MYO9A: variants seen among roughly 807,000 people sequenced by gnomAD.
MYO9A encodes the protein unconventional myosin-IXa.
A neutral mutation model predicts 293.3 loss-of-function variants in MYO9A; 103 were observed. The observed-to-expected ratio is 0.35, with a 90% CI of 0.30 to 0.41. The LOEUF (loss-of-function observed/expected upper bound fraction) is 0.41, where lower values mean the gene tolerates loss of function less well. Ranked by LOEUF, MYO9A falls within the 10% of genes least tolerant of loss-of-function variation. The probability of loss-of-function intolerance (pLI) is 1.00; values close to 1 mark genes in which losing one functional copy is unlikely to be tolerated. For missense variants in MYO9A, 2,685 were observed against 3,033.0 expected, an observed-to-expected ratio of 0.89 and a Z score of 2.69; for synonymous variants, 1,001 against 1,035.7, an observed-to-expected ratio of 0.97 and a Z score of 0.64.
chr15:71,999,131 A>T (rs1168801838), intron 9 of MYO9A: 4 of 152,186 alleles, frequency 2.6e-5, no homozygotes, highest in African/African-American at 9.7e-5. Context: ...CTAGAATTCA[A>T]TCACAATTTC....
At chr15:71,975,390 C>CGT (rs57800508) in intron 12 of MYO9A, among the ~76,000 whole-genome samples, 3,837 of 86,664 alleles carry the variant, frequency 0.044, 756 homozygotes, top group East Asian at 0.27. Flanking sequence ...GTGATTTTAT[C>CGT]GTGTGTGTGT....
intron 27 of MYO9A, among the ~76,000 whole-genome samples, chr15:71,885,373 T>C (rs550987987): frequency 4.6e-5 from 7 of 152,312 alleles, no homozygotes; most frequent in Non-Finnish European, 1.0e-4. Context: ...AGAGGATTTT[T>C]AAAATTTGCT....
intron 25 of MYO9A, among the ~76,000 whole-genome samples, chr15:71,894,648 G>T (rs988733664): frequency 2.0e-5 from 3 of 152,154 alleles, no homozygotes; most frequent in Admixed American, 2.0e-4. Context: ...GGCAGGGTAA[G>T]AAATTGTTAT....
At chr15:71,935,534 T>C (rs748790965) in intron 16 of MYO9A, 50 bp from the exon 17 acceptor site, 4 of 1,505,456 alleles carry the variant, frequency 2.7e-6, no homozygotes, top group Admixed American at 3.9e-5. Context: ...TCTAACACTA[T>C]ACTGCTTAAA....
In MYO9A at chr15:71,876,292, C is replaced by G. The variant is rs9888653; in HGVS notation, c.5932-454G>C. 5.6e-3 allele frequency among the ~76,000 whole-genome samples: 857 copies of G among 151,742 alleles called. 12 individuals carry two copies. The highest frequency in any genetic ancestry group is 0.02 in the African/African-American group (811 of 41,384). ...CCTCCTGAGTAGCTGGTATTATAGG[C>G]ACACACCACCACATCTGGCTATTTT... On this transcript the variant is annotated intron_variant, in intron 31 of 41. Transcript: ENST00000356056.
chr15:71,826,398 A>G lies in MYO9A; in HGVS notation c.*182T>C. The G allele has an allele frequency of 1.7e-6, 1 of 597,482 alleles. No individual in the cohort carries two copies. Among genetic ancestry groups the G allele is most frequent in the Non-Finnish European group, 2.8e-6 (1 of 358,242 alleles). The allele number at this position is 597,482 out of a possible 1,614,324, so 37.0% of individuals were successfully genotyped here. On this transcript the variant is annotated 3_prime_UTR_variant, in exon 42 of 42. Transcript: ENST00000356056. ...CCAAGGCACAGCTGGCACCATCCCC[A>G]GCAGGCTTTCTGCTTCTGCAGGAGG...
intron 37 of MYO9A, among the ~76,000 whole-genome samples, chr15:71,851,019 T>G (rs888723593): frequency 6.6e-6 from 1 of 152,128 alleles, no homozygotes; most frequent in Non-Finnish European, 1.5e-5. Flanking sequence ...ACTGCCACCA[T>G]GAGGCTGAAG....
At position 72,035,176 on chromosome 15, in the gene MYO9A, T is replaced by C. The variant is rs79377745; in HGVS notation, c.841-2588A>G. Among the ~76,000 whole-genome samples, 38 of 152,260 alleles carry C rather than the reference T, an allele frequency of 2.5e-4. No homozygotes were observed. The East Asian group carries it at 7.1e-3, about 29-fold the overall frequency. ...ATACAGTGCTGGTGGAAATGCAAAA[T>C]GGTAGAACAACTCTGGAAGACAATC... On this transcript the variant is annotated intron_variant, in intron 2 of 41. Coordinates refer to ENST00000356056, the MANE Select transcript of MYO9A (RefSeq NM_006901.4).
At chr15:72,030,074 A>G (rs1402768273) in intron 3 of MYO9A, among the ~76,000 whole-genome samples, 1 of 152,234 alleles carries the variant, frequency 6.6e-6, no homozygotes, top group Admixed American at 6.5e-5. Context: ...CTTCATTAAA[A>G]TAAAGCTCAA....
At chr15:71,907,602 C>T (rs1436227112) in intron 19 of MYO9A, among the ~76,000 whole-genome samples, 121 of 130,178 alleles carry the variant, frequency 9.3e-4, no homozygotes, top group Admixed American at 1.6e-3. Flanking sequence ...CTCTCCAGCA[C>T]CTGTTGTTTC....
chr15:71,880,595 T>C, intron 28 of MYO9A, 37 bp from the exon 29 acceptor site: 1 of 1,521,978 alleles, frequency 6.6e-7, no homozygotes, highest in Non-Finnish European at 9.0e-7. Context: ...AGGACACATT[T>C]AGTAAATATA....
chr15:71,961,788 T>C (rs979679203), intron 13 of MYO9A, among the ~76,000 whole-genome samples: 2 of 152,158 alleles, frequency 1.3e-5, no homozygotes, highest in Admixed American at 1.3e-4. Context: ...GGCACCATCA[T>C]AGCTCACTGC....
At chr15:71,893,324 T>A in intron 26 of MYO9A, 2 of 512,586 alleles carry the variant, frequency 3.9e-6, no homozygotes, top group Non-Finnish European at 6.2e-6. Context: ...CTAGCAGAAG[T>A]GACAGGGATG....
intron 2 of MYO9A, among the ~76,000 whole-genome samples, chr15:72,043,079 CAA>C (rs71438543): frequency 6.9e-6 from 1 of 143,930 alleles, no homozygotes; most frequent in African/African-American, 2.6e-5. Context: ...AAAAAACAAA[CAA>C]AAAAAAAAGG....
Position 71,854,558 on chromosome 15 carries a change from C to G in MYO9A, c.6165G>C (p.Glu2055Asp). 1 of 1,593,176 alleles carries G rather than the reference C, an allele frequency of 6.3e-7. No individual in the cohort carries two copies. The highest frequency in any genetic ancestry group is 8.5e-7 in the Non-Finnish European group (1 of 1,172,704). ...TAKCSKKYDPELSSRQFGVEL... is the reference protein window; with the variant it reads ...TAKCSKKYDPDLSSRQFGVEL... Reference sequence around the variant, plus strand: ...CAACCCCAAATTGTCGAGATGACAGCTCTGGATCATACTAAATGAAAGATA... The same window carrying G: ...CAACCCCAAATTGTCGAGATGACAGGTCTGGATCATACTAAATGAAAGATA... The change falls in exon 35 of 42, where the codon GAG becomes GAC. Residue 2055 changes from glutamate to aspartate, a missense_variant. Coordinates refer to ENST00000356056, the MANE Select transcript of MYO9A (RefSeq NM_006901.4).
chr15:71,830,270 C>G lies in MYO9A; in HGVS notation c.6879G>C (p.Ser2293=). The G allele has an allele frequency of 3.7e-6, 6 of 1,613,950 alleles. No homozygotes were observed. Among genetic ancestry groups the G allele is most frequent in the Non-Finnish European group, 5.1e-6 (6 of 1,179,946 alleles). ...AAGGCAACCGAACTACAACAGGAGA[C>G]GATGGACCTGGATAGTTTCCTCGAC... The part of the protein sequence containing the change: ...RIRRGNYPGP[S]SPVVVRLPSV... The change falls in exon 40 of 42, where the codon TCG becomes TCC. Residue 2293 remains serine, a synonymous_variant. Transcript: ENST00000356056.
chr15:71,931,743 C>T lies in MYO9A; in HGVS notation c.2562+1927G>A, dbSNP rs112928728. Among the ~76,000 whole-genome samples the T allele has an allele frequency of 8.9e-3, 1,349 of 152,224 alleles. 25 individuals are homozygous for T. The highest frequency in any genetic ancestry group is 0.031 in the African/African-American group (1,288 of 41,524). On this transcript the variant is annotated intron_variant, in intron 18 of 41. Coordinates refer to ENST00000356056, the MANE Select transcript of MYO9A (RefSeq NM_006901.4). ...ATTTATCTTGTTTCTCTATTTGGAA[C>T]ATACTTCCCCATTTCTTCATTTGCC... is the stretch of plus-strand genomic sequence containing the variant.
intron 14 of MYO9A, among the ~76,000 whole-genome samples, chr15:71,956,330 A>AAAAAATATATAT (rs10642655): frequency 4.0e-4 from 30 of 75,574 alleles, no homozygotes; most frequent in African/African-American, 1.7e-3. Flanking sequence ...AAAAAAAAAA[A>AAAAAATATATAT]ATATATATAT....
Position 71,959,992 on chromosome 15 carries a change from T to C in MYO9A, c.2091A>G (p.Val697=), listed in dbSNP as rs139006918. Residue 697 remains valine, a synonymous_variant, in exon 14 of 42, where the codon GTA becomes GTG. Coordinates refer to ENST00000356056, the MANE Select transcript of MYO9A (RefSeq NM_006901.4). The part of the protein sequence containing the change: ...FISGMIGIDP[V]AVFRWAILRA... ...GGAGAATTGCCCATCGGAAAACAGC[T>C]ACAGGATCAATTCCAATCATCCCAG... is the stretch of plus-strand genomic sequence containing the variant. 3 of 1,613,968 alleles carry C rather than the reference T, an allele frequency of 1.9e-6. No individual in the cohort carries two copies. Among genetic ancestry groups the C allele is most frequent in the African/African-American group, 2.7e-5 (2 of 74,920 alleles).
Sources: allele counts gnomAD v4.1 joint callset (sites outside exome capture counted in the v4.1 genomes callset), GRCh38; gene constraint gnomAD v4.1.1; transcripts MANE v1.5; gene names NCBI Gene and HGNC (gene_info 2026-07-23, HGNC 2026-07-21).